PRIMA1: variants seen among roughly 807,000 people sequenced by gnomAD.
The protein encoded by PRIMA1 is proline-rich membrane anchor 1.
A neutral mutation model predicts 17.5 loss-of-function variants in PRIMA1; 7 were observed. The ratio of observed to expected loss-of-function variants is 0.40; its 90% CI spans 0.23 to 0.75. PRIMA1 has a LOEUF of 0.75. Among genes scored for constraint, PRIMA1 ranks in the 30% least tolerant of loss-of-function variants. The pLI is 0.37. For synonymous variants in PRIMA1, 97 were observed against 77.9 expected (o/e 1.25, Z -1.29); for missense variants, 200 against 201.8 (o/e 0.99, Z 0.05).
intron 4 of PRIMA1, among the ~76,000 whole-genome samples, chr14:93,730,500 G>A (rs2076107225): frequency 6.6e-6 from 1 of 152,166 alleles, no homozygotes; most frequent in Non-Finnish European, 1.5e-5. Flanking sequence ...GAGCCAGGAG[G>A]AGGGCAGGAA....
Position 93,721,407 on chromosome 14 carries a change from G to T in PRIMA1, c.*37C>A. 7.2e-7 allele frequency: 1 copy of T among 1,384,112 alleles called. No homozygotes were observed. Among genetic ancestry groups the T allele is most frequent in the Non-Finnish European group, 1.0e-6 (1 of 973,008 alleles). The allele number at this position is 1,384,112 out of a possible 1,614,324, so 85.7% of individuals were successfully genotyped here. ...TTCCCATGTCCACCAGTGCCACCAAGGTGTCCCTCTGGCCAGCGGGTCCAG... is the reference window on the plus strand; with the variant it reads ...TTCCCATGTCCACCAGTGCCACCAATGTGTCCCTCTGGCCAGCGGGTCCAG... On this transcript the variant is annotated 3_prime_UTR_variant, in exon 5 of 5. Coordinates refer to ENST00000393140, the MANE Select transcript of PRIMA1 (RefSeq NM_178013.4).
In PRIMA1 at chr14:93,720,858, T is replaced by C. The variant is rs1445875672; in HGVS notation, c.*586A>G. ...AGGAGCCTAGGGTGTAGGGTGTCAG[T>C]GGGGATAGGAGGGAGAAGGCAGGCC... On this transcript the variant is annotated 3_prime_UTR_variant, in exon 5 of 5. Transcript: ENST00000393140. The C allele has an allele frequency of 6.6e-6, 1 of 152,332 alleles. No homozygotes were observed. The highest frequency in any genetic ancestry group is 2.4e-5 in the African/African-American group (1 of 41,302). The allele number at this position is 152,332 out of a possible 1,614,324, so 9.4% of individuals were successfully genotyped here.
chr14:93,718,566 G>T lies in PRIMA1; in HGVS notation c.*2878C>A, dbSNP rs1275568005. ...CAGGATATTCACATTCATGCATTAC[G>T]TATCTCACACTACCTGGGCAGTTTA... On this transcript the variant is annotated 3_prime_UTR_variant, in exon 5 of 5. Coordinates refer to ENST00000393140, the MANE Select transcript of PRIMA1 (RefSeq NM_178013.4). 1 of 152,464 alleles carries T rather than the reference G, an allele frequency of 6.6e-6. No individual in the cohort carries two copies. The highest frequency in any genetic ancestry group is 2.4e-5 in the African/African-American group (1 of 41,396). 9.4% of individuals were successfully genotyped at this position (152,464 alleles called of 1,614,324 possible). A position where few individuals can be genotyped will look rare whatever the true frequency, so the allele number is the denominator to read the frequency against.
Position 93,779,187 on chromosome 14 carries a change from A to C in PRIMA1, c.218T>G (p.Leu73Arg). ...GAGCCATTACTTACCTGGGGCGGAG[A>C]GGAGTCTGGGAGGTGGCGGGGGTGG... ...PPPPPPPPRL[L>R]SAPAPNSTSC... Residue 73 changes from leucine (L) to arginine (R), a missense_variant, in exon 3 of 5, where the codon CTC (leucine) becomes CGC (arginine). Physicochemically the swap from Leu to Arg is moderately radical, Grantham distance 102 (BLOSUM62 -2). Coordinates refer to ENST00000393140, the MANE Select transcript of PRIMA1 (RefSeq NM_178013.4). 1.1e-6 allele frequency: 1 copy of C among 942,038 alleles called. No individual in the cohort carries two copies. The highest frequency in any genetic ancestry group is 1.3e-6 in the Non-Finnish European group (1 of 790,848). The allele number at this position is 942,038 out of a possible 1,614,324, so 58.4% of individuals were successfully genotyped here.
intron 3 of PRIMA1, among the ~76,000 whole-genome samples, chr14:93,747,611 G>C (rs1287422065): frequency 3.3e-5 from 5 of 151,182 alleles, no homozygotes; most frequent in Non-Finnish European, 7.4e-5. Flanking sequence ...GAGTGTGTGA[G>C]AGTGTGTGGG....
chr14:93,771,049 AGTGCATGTATGTGTGTGT>A (rs1485642951), intron 3 of PRIMA1, among the ~76,000 whole-genome samples: 3 of 56,300 alleles, frequency 5.3e-5, no homozygotes, highest in South Asian at 5.2e-4. Context: ...ATTCAAAGTG[AGTGCATGTATGTGTGTGT>A]GTGCATGTAT....
intron 3 of PRIMA1, among the ~76,000 whole-genome samples, chr14:93,753,898 C>A (rs1332650907): frequency 1.3e-5 from 2 of 152,146 alleles, no homozygotes; most frequent in South Asian, 4.1e-4. Context: ...CCCTTCATAA[C>A]AGATGCTATG....
intron 3 of PRIMA1, among the ~76,000 whole-genome samples, chr14:93,769,969 G>A (rs532076357): frequency 6.6e-6 from 1 of 152,282 alleles, no homozygotes; most frequent in Admixed American, 6.5e-5. Context: ...GGAGGACCAA[G>A]GAGAGGGGGC....
Position 93,718,678 on chromosome 14 carries a change from TATATATA to T in PRIMA1, c.*2759_*2765del, listed in dbSNP as rs1402507128. 7.3e-5 allele frequency: 11 copies of T among 151,380 alleles called. No homozygotes were observed. Among genetic ancestry groups the T allele is most frequent in the Admixed American group, 3.9e-4 (6 of 15,226 alleles). 9.4% of individuals were successfully genotyped at this position (151,380 alleles called of 1,614,324 possible). On this transcript the variant is annotated 3_prime_UTR_variant, in exon 5 of 5. Coordinates refer to ENST00000393140, the MANE Select transcript of PRIMA1 (RefSeq NM_178013.4). ...AGAGATCTCTTTAAATATATATAGC[TATATATA>T]ATATATATGTTTATATGTTTACACC...
intron 3 of PRIMA1, among the ~76,000 whole-genome samples, chr14:93,741,955 G>A (rs964882160): frequency 6.6e-6 from 1 of 152,126 alleles, no homozygotes; most frequent in African/African-American, 2.4e-5. Context: ...CACTCCTGAC[G>A]CCTGTAAAGA....
intron 3 of PRIMA1, among the ~76,000 whole-genome samples, chr14:93,773,833 C>G (rs1885135322): frequency 6.6e-6 from 1 of 152,202 alleles, no homozygotes; most frequent in African/African-American, 2.4e-5. Flanking sequence ...GTGGCTCACA[C>G]CTGTAATCCC....
intron 3 of PRIMA1, among the ~76,000 whole-genome samples, chr14:93,752,255 A>C (rs2076264328): frequency 6.6e-6 from 1 of 152,138 alleles, no homozygotes; most frequent in Non-Finnish European, 1.5e-5. Flanking sequence ...AGAACTATTT[A>C]TAGATAAGGA....
intron 4 of PRIMA1, chr14:93,725,883 G>C (rs930663471): frequency 6.6e-6 from 3 of 454,656 alleles, no homozygotes; most frequent in Admixed American, 4.7e-5. Context: ...AGAGTTGTTA[G>C]GACCCAGCCT....
chr14:93,746,556 A>G (rs541891011), intron 3 of PRIMA1, among the ~76,000 whole-genome samples: 34 of 151,802 alleles, frequency 2.2e-4, no homozygotes, highest in Non-Finnish European at 4.3e-4. Flanking sequence ...AGGAGATGGG[A>G]CCACATGGGG....
rs573461032 is a variant in PRIMA1, at chr14:93,726,562, A to G, written c.360-5016T>C. On this transcript the variant is annotated intron_variant, in intron 4 of 4. Coordinates refer to ENST00000393140, the MANE Select transcript of PRIMA1 (RefSeq NM_178013.4). This position sits in a 1 kb window ranked among gnomAD's most constrained non-coding sequence, Gnocchi z 4.2. ...CACATGTACACATGCACAAATCCAC[A>G]TACACACACACTATACACATACACA... Among the ~76,000 whole-genome samples the G allele has an allele frequency of 3.9e-5, 6 of 152,188 alleles. No homozygotes were observed. In the South Asian group the frequency reaches 1.2e-3, roughly 32 times the overall value.
chr14:93,728,325 C>A (rs74073899), intron 4 of PRIMA1, among the ~76,000 whole-genome samples: 4,462 of 152,242 alleles, frequency 0.029, 231 homozygotes, highest in African/African-American at 0.1. Context: ...AAGAACCAGG[C>A]GTCGAGGGAG....
chr14:93,719,173 G>A lies in PRIMA1; in HGVS notation c.*2271C>T, dbSNP rs978215872. ...CAAGCCCAGCTGAGAGGGAATTTAT[G>A]TGCAGACTAGAGCCCTGGATGCGTC... On this transcript the variant is annotated 3_prime_UTR_variant, in exon 5 of 5. Coordinates refer to ENST00000393140, the MANE Select transcript of PRIMA1 (RefSeq NM_178013.4). 2.0e-5 allele frequency: 3 copies of A among 152,178 alleles called. No individual in the cohort carries two copies. Among genetic ancestry groups the A allele is most frequent in the African/African-American group, 7.2e-5 (3 of 41,436 alleles). 9.4% of individuals were successfully genotyped at this position (152,178 alleles called of 1,614,324 possible).
chr14:93,735,894 G>C (rs2076146899), intron 4 of PRIMA1, among the ~76,000 whole-genome samples: 1 of 152,034 alleles, frequency 6.6e-6, no homozygotes, highest in Non-Finnish European at 1.5e-5. Flanking sequence ...TCACCATGTG[G>C]GTCAGGCTGG....
intron 3 of PRIMA1, among the ~76,000 whole-genome samples, chr14:93,741,099 G>A (rs992521876): frequency 2.0e-5 from 3 of 152,148 alleles, no homozygotes; most frequent in South Asian, 4.1e-4. Context: ...AAACACTAAC[G>A]GCTATGAAAT....
Sources: gnomAD v4.1 joint callset for allele counts (sites outside exome capture counted in the v4.1 genomes callset) on GRCh38, gnomAD v4.1.1 for gene constraint, Gnocchi (gnomAD v3.1) non-coding constraint, MANE v1.5 for transcripts, NCBI Gene and HGNC (gene_info 2026-07-23, HGNC 2026-07-21) for gene names.